The following RIMKLA variants were observed in gnomAD, a reference collection of about 807,000 sequenced individuals.
The protein encoded by RIMKLA is ribosomal modification protein rimK like family member A.
A neutral mutation model predicts 32.7 loss-of-function variants in RIMKLA; 14 were observed. The ratio of observed to expected loss-of-function variants is 0.43; its 90% CI spans 0.28 to 0.67. The LOEUF is 0.67. RIMKLA is among the 30% of genes least tolerant of loss of function. The probability of loss-of-function intolerance (pLI) is 0.18; values close to 1 mark genes in which losing one functional copy is unlikely to be tolerated. For synonymous variants in RIMKLA, 176 were observed against 204.1 expected (o/e 0.86, Z 1.18); for missense variants, 410 against 519.0 (o/e 0.79, Z 2.04).
In RIMKLA at chr1:42,414,783, T is replaced by C; in HGVS notation, c.985T>C (p.Cys329Arg). ...SPREKNEPDG[C>R]ASAQGVAESV... is the part of the protein sequence containing the mutation. ...AAGGGAGAAGAACGAGCCGGATGGCTGTGCTTCAGCTCAGGGAGTTGCAGA... is the reference window on the plus strand; with the variant it reads ...AAGGGAGAAGAACGAGCCGGATGGCCGTGCTTCAGCTCAGGGAGTTGCAGA... The change falls in exon 5 of 5, where the codon TGT becomes CGT. Residue 329 changes from cysteine to arginine, a missense_variant. Physicochemically the swap from Cys to Arg is radical, Grantham distance 180. Transcript: ENST00000431473. 6.2e-7 allele frequency: 1 copy of C among 1,614,196 alleles called. No homozygotes were observed.
intron 4 of RIMKLA, 135 bp from the exon 5 acceptor site, chr1:42,414,349 G>A: frequency 1.1e-6 from 1 of 919,904 alleles, no homozygotes; most frequent in Non-Finnish European, 1.6e-6. Flanking sequence ...AAGGTGTACT[G>A]ATTTCCATCC....
intron 3 of RIMKLA, among the ~76,000 whole-genome samples, chr1:42,409,133 T>C (rs368140415): frequency 1.2e-4 from 14 of 121,026 alleles, no homozygotes; most frequent in East Asian, 1.1e-3. Context: ...ACCCGGGAGG[T>C]GGAGGTTGCA....
intron 2 of RIMKLA, among the ~76,000 whole-genome samples, chr1:42,400,795 G>C (rs539069243): frequency 6.6e-6 from 1 of 152,320 alleles, no homozygotes; most frequent in South Asian, 2.1e-4. Context: ...TCTGAAAGAA[G>C]TGCAGACTAG....
rs1182999006 is a variant in RIMKLA, at chr1:42,417,935, CA to C, written c.*2978del. 319 of 97,522 alleles carry C rather than the reference CA, an allele frequency of 3.3e-3. 1 individual carries two copies. The highest frequency in any genetic ancestry group is 7.2e-3 in the African/African-American group (181 of 25,308). The allele number at this position is 97,522 out of a possible 1,614,324, so 6.0% of individuals were successfully genotyped here. On this transcript the variant is annotated 3_prime_UTR_variant, in exon 5 of 5. Coordinates refer to ENST00000431473, the MANE Select transcript of RIMKLA (RefSeq NM_173642.4). ...TGGGTGACAGAGCGAGACTCCGTCT[CA>C]AAAAAAAAAAAAAAAAGCCACACAT...
chr1:42,407,851 T>G (rs1643160791), intron 3 of RIMKLA, among the ~76,000 whole-genome samples: 1 of 152,194 alleles, frequency 6.6e-6, no homozygotes, highest in Non-Finnish European at 1.5e-5. Flanking sequence ...TGGCACTTAG[T>G]ACATGATTAA....
chr1:42,411,336 TAA>T (rs552496213), intron 4 of RIMKLA, among the ~76,000 whole-genome samples: 12 of 139,272 alleles, frequency 8.6e-5, no homozygotes, highest in Non-Finnish European at 7.9e-5. Flanking sequence ...CCCTATCTCT[TAA>T]AAAAAAAAAA....
At chr1:42,385,915 CTTCTTTCT>C in intron 1 of RIMKLA, among the ~76,000 whole-genome samples, 1 of 82,438 alleles carries the variant, frequency 1.2e-5, no homozygotes, top group Non-Finnish European at 2.5e-5. Flanking sequence ...TCCTTCTTTC[CTTCTTTCT>C]TTCTTTCTTT....
chr1:42,412,335 C>G (rs1174924756), intron 4 of RIMKLA: 2 of 180,674 alleles, frequency 1.1e-5, no homozygotes, highest in African/African-American at 4.8e-5. Flanking sequence ...CCATATCTCT[C>G]TCTCTCTTTT....
At chr1:42,405,495 A>T (rs1237679823) in intron 3 of RIMKLA, among the ~76,000 whole-genome samples, 2 of 152,104 alleles carry the variant, frequency 1.3e-5, no homozygotes, top group Non-Finnish European at 2.9e-5. Flanking sequence ...TCATCGGGAT[A>T]CCCAGGTGGC....
chr1:42,385,539 CAA>C (rs1315330201), intron 1 of RIMKLA, among the ~76,000 whole-genome samples: 1 of 152,134 alleles, frequency 6.6e-6, no homozygotes, highest in Non-Finnish European at 1.5e-5. Flanking sequence ...TTCTTTAAAT[CAA>C]AGTGTTCTTG....
At chr1:42,402,495 C>T (rs1465589375) in intron 2 of RIMKLA, among the ~76,000 whole-genome samples, 1 of 152,060 alleles carries the variant, frequency 6.6e-6, no homozygotes, top group Admixed American at 6.6e-5. Flanking sequence ...TGGAAGAGGG[C>T]CATGAGCCAA....
chr1:42,409,990 CT>C lies in RIMKLA; in HGVS notation c.489del (p.Val164PhefsTer16). On this transcript the variant is annotated frameshift_variant, in exon 4 of 5. Transcript: ENST00000431473. LOFTEE classifies it high-confidence loss of function. ...GCTCTTTTTCTTCTTAAAGGAAAAGCTGTTTTTCTGGCAAGAGATAAACATC... is the reference window on the plus strand; with the variant it reads ...GCTCTTTTTCTTCTTAAAGGAAAAGCGTTTTTCTGGCAAGAGATAAACATC... ...VKSTRGHRGK[A>X]VFLARDKHHL... The C allele has an allele frequency of 6.2e-7, 1 of 1,613,792 alleles. No individual in the cohort carries two copies. Among genetic ancestry groups the C allele is most frequent in the Non-Finnish European group, 8.5e-7 (1 of 1,179,666 alleles).
Position 42,380,961 on chromosome 1 carries a change from G to A in RIMKLA, c.27G>A (p.Thr9=). 2 of 1,449,320 alleles carry A rather than the reference G, an allele frequency of 1.4e-6. No homozygotes were observed. The highest frequency in any genetic ancestry group is 1.3e-5 in the South Asian group (1 of 74,750). The allele number at this position is 1,449,320 out of a possible 1,614,324, so 89.8% of individuals were successfully genotyped here. Residue 9 remains threonine, a synonymous_variant, in exon 1 of 5, where the codon ACG becomes ACA. Coordinates refer to ENST00000431473, the MANE Select transcript of RIMKLA (RefSeq NM_173642.4). Reference sequence around the variant, plus strand: ...TGTGCTCCCAGCTCTGGTTCCTGACGGACCGGCGCATCCGCGAGGACTACC... The same window carrying A: ...TGTGCTCCCAGCTCTGGTTCCTGACAGACCGGCGCATCCGCGAGGACTACC... MCSQLWFL[T]DRRIREDYPQ...
chr1:42,398,684 C>T (rs1643067824), intron 1 of RIMKLA, among the ~76,000 whole-genome samples: 1 of 152,028 alleles, frequency 6.6e-6, no homozygotes, highest in Admixed American at 6.6e-5. Flanking sequence ...TAAATGGTTG[C>T]ATAGCTCAGC....
chr1:42,389,685 G>A (rs1413605732), intron 1 of RIMKLA, among the ~76,000 whole-genome samples: 3 of 151,960 alleles, frequency 2.0e-5, no homozygotes, highest in Non-Finnish European at 2.9e-5. Context: ...GTGGTGGTGC[G>A]CGCCCATAAT....
intron 1 of RIMKLA, among the ~76,000 whole-genome samples, chr1:42,381,452 ACT>A (rs1380530751): frequency 1.3e-5 from 2 of 152,016 alleles, no homozygotes; most frequent in African/African-American, 2.4e-5. Context: ...GACAGTTTAG[ACT>A]CTGAGGTTTC....
intron 1 of RIMKLA, among the ~76,000 whole-genome samples, chr1:42,386,821 G>C (rs1431355365): frequency 6.6e-6 from 1 of 151,684 alleles, no homozygotes; most frequent in South Asian, 2.1e-4. Context: ...GGAAGTGGAG[G>C]TTGCAGTGAG....
rs140119418 is a variant in RIMKLA at position 42,393,925 on chromosome 1, C to T, written c.164-5479C>T. Among the ~76,000 whole-genome samples the T allele has an allele frequency of 3.2e-3, 490 of 152,272 alleles. 7 individuals carry two copies. In the East Asian group the frequency reaches 0.048, roughly 15 times the overall value. On this transcript the variant is annotated intron_variant, in intron 1 of 4. Transcript: ENST00000431473. ...TCAGCCTCCTGAGTAGCTGGGATTACAGGCGCCTGCCACCACGCCCAACTA... is the reference window on the plus strand; with the variant it reads ...TCAGCCTCCTGAGTAGCTGGGATTATAGGCGCCTGCCACCACGCCCAACTA...
intron 1 of RIMKLA, among the ~76,000 whole-genome samples, chr1:42,385,410 T>G (rs1184571487): frequency 2.0e-5 from 3 of 150,430 alleles, no homozygotes; most frequent in Admixed American, 6.6e-5. Flanking sequence ...ATAAAATGAG[T>G]CTGACCTGGA....
Sources: allele counts gnomAD v4.1 joint callset (sites outside exome capture counted in the v4.1 genomes callset), GRCh38; gene constraint gnomAD v4.1.1; transcripts MANE v1.5; gene names NCBI Gene and HGNC (gene_info 2026-07-23, HGNC 2026-07-21).